Variants in MMP25 observed in about 807,000 individuals in gnomAD.
MMP25 encodes the protein matrix metallopeptidase 25.
MMP25 carries 68 observed loss-of-function variants against 62.1 expected under a neutral mutation model. The observed-to-expected ratio is 1.10, with a 90% CI of 0.90 to 1.34. The LOEUF is 1.34. MMP25 is among the 40% of genes most tolerant of loss of function. The pLI is 0.00. For synonymous variants in MMP25, 407 were observed against 345.6 expected (o/e 1.18, Z -1.97); for missense variants, 942 against 792.5 (o/e 1.19, Z -2.26).
intron 4 of MMP25, chr16:3,051,873 C>T (rs1955907949): frequency 6.6e-6 from 1 of 152,090 alleles, no homozygotes. Flanking sequence ...ATCTGTAATC[C>T]TAGCACTTCG....
At position 3,059,009 on chromosome 16, in the gene MMP25, T is replaced by G. The variant is rs1320649800; in HGVS notation, c.1600T>G (p.Cys534Gly). Reference protein sequence around the residue: ...TPVSETCDCQCELNQAAGRWP... With the variant: ...TPVSETCDCQGELNQAAGRWP... ...CGTGTCCGAAACCTGCGATTGTCAG[T>G]GCGAGCTCAACCAGGCCGCAGGACG... Residue 534 changes from cysteine to glycine, a missense_variant, in exon 10 of 10, where the codon TGC becomes GGC. By Grantham distance (159) the Cys-to-Gly change is radical. Coordinates refer to ENST00000336577, the MANE Select transcript of MMP25 (RefSeq NM_022468.5). The G allele has an allele frequency of 6.4e-7, 1 of 1,555,776 alleles. No individual in the cohort carries two copies. The highest frequency in any genetic ancestry group is 1.2e-5 in the South Asian group (1 of 84,488).
At chr16:3,058,041 G>C in intron 7 of MMP25, 140 bp from the exon 8 acceptor site, 2 of 991,720 alleles carry the variant, frequency 2.0e-6, no homozygotes, top group Non-Finnish European at 2.9e-6. Context: ...AGTCTCAGGC[G>C]GGCCAGGATG....
Position 3,060,127 on chromosome 16 carries a change from G to C in MMP25, c.*1029G>C, listed in dbSNP as rs1956088631. ...AGAGTGAGGGGTGGGTGGAACCTGGGGGCACCTCGTTCACCCTGTCCCCAC... is the reference window on the plus strand; with the variant it reads ...AGAGTGAGGGGTGGGTGGAACCTGGCGGCACCTCGTTCACCCTGTCCCCAC... On this transcript the variant is annotated 3_prime_UTR_variant, in exon 10 of 10. Coordinates refer to ENST00000336577, the MANE Select transcript of MMP25 (RefSeq NM_022468.5). 1.3e-5 allele frequency: 2 copies of C among 152,262 alleles called. No individual in the cohort carries two copies. Among genetic ancestry groups the C allele is most frequent in the Non-Finnish European group, 1.5e-5 (1 of 68,214 alleles). 9.4% of individuals were successfully genotyped at this position (152,262 alleles called of 1,614,324 possible).
At chr16:3,050,670 G>A in intron 4 of MMP25, 124 bp downstream of exon 4, 2 of 1,018,678 alleles carry the variant, frequency 2.0e-6, no homozygotes, top group Non-Finnish European at 1.4e-6. Context: ...CTAGAGTGCA[G>A]TGGTGCAATC....
intron 7 of MMP25, chr16:3,057,818 C>T: frequency 1.6e-6 from 1 of 607,396 alleles, no homozygotes; most frequent in South Asian, 2.0e-5. Flanking sequence ...CCCACCTCAG[C>T]CTCCCTGGTA....
At position 3,058,833 on chromosome 16, in the gene MMP25, C is replaced by A; in HGVS notation, c.1424C>A (p.Thr475Asn). 1.3e-6 allele frequency: 2 copies of A among 1,518,898 alleles called. No homozygotes were observed. Among genetic ancestry groups the A allele is most frequent in the Non-Finnish European group, 1.8e-6 (2 of 1,130,210 alleles). The allele number at this position is 1,518,898 out of a possible 1,614,324, so 94.1% of individuals were successfully genotyped here. ...TCAAGCTCTGCTCCTCCAGGTGACA[C>A]CTACTTCTTCAAGGGCGCCCACTAC... Reference protein sequence around the residue: ...DDVTVSNAGDTYFFKGAHYWR... With the variant: ...DDVTVSNAGDNYFFKGAHYWR... The change falls in exon 10 of 10, where the codon ACC becomes AAC. Residue 475 changes from threonine (T) to asparagine (N), a missense_variant. By Grantham distance (65) the Thr-to-Asn change is moderately conservative. Transcript: ENST00000336577.
At position 3,058,567 on chromosome 16, in the gene MMP25, T is replaced by C. The variant is rs1956057558; in HGVS notation, c.1315T>C (p.Tyr439His). Residue 439 changes from tyrosine (Y) to histidine (H), a missense_variant, in exon 9 of 10, where the codon TAC becomes CAC. Physicochemically the swap from Tyr to His is moderately conservative, Grantham distance 83. Transcript: ENST00000336577. ...YLVRGRQYWR[Y>H]DEAAARPDPG... Reference sequence around the variant, plus strand: ...GGTCCGCGGCCGGCAGTACTGGCGCTACGACGAGGCGGCGGCGCGCCCGGA... The same window carrying C: ...GGTCCGCGGCCGGCAGTACTGGCGCCACGACGAGGCGGCGGCGCGCCCGGA... The C allele has an allele frequency of 4.3e-6, 7 of 1,610,318 alleles. 1 individual carries two copies. In the South Asian group the frequency reaches 7.7e-5, roughly 18 times the overall value.
Position 3,050,503 on chromosome 16 carries a change from C to G in MMP25, c.618C>G (p.Asp206Glu), listed in dbSNP as rs748634190. The change falls in exon 4 of 10, where the codon GAC (aspartate) becomes GAG (glutamate). Residue 206 changes from aspartate to glutamate, a missense_variant. Transcript: ENST00000336577. ...CTGGGGAGCACCCCATCTCCGGGGA[C>G]ACTCACTTTGACGATGAGGAGACCT... ...FFPGEHPISG[D>E]THFDDEETWT... The G allele has an allele frequency of 3.8e-6, 6 of 1,591,126 alleles. No homozygotes were observed. In the African/African-American group the frequency reaches 8.1e-5, roughly 21 times the overall value.
In MMP25 at chr16:3,058,920, A is replaced by G. The variant is rs1567129930; in HGVS notation, c.1511A>G (p.Asn504Ser). ...EPDAPQPMGP[N>S]WLDCPAPSSG... ...GACGCCCCCCAGCCCATGGGGCCCA[A>G]CTGGCTGGACTGCCCCGCCCCGAGC... The change falls in exon 10 of 10, where the codon AAC (asparagine) becomes AGC (serine). Residue 504 changes from asparagine (N) to serine (S), a missense_variant. Coordinates refer to ENST00000336577, the MANE Select transcript of MMP25 (RefSeq NM_022468.5). 6.4e-7 allele frequency: 1 copy of G among 1,551,428 alleles called. No individual in the cohort carries two copies. Among genetic ancestry groups the G allele is most frequent in the Non-Finnish European group, 8.7e-7 (1 of 1,147,256 alleles).
Position 3,050,265 on chromosome 16 carries a change from TCCC to T in MMP25, c.383_385del (p.Pro128del). On this transcript the variant is annotated inframe_deletion, in exon 4 of 10. Coordinates refer to ENST00000336577, the MANE Select transcript of MMP25 (RefSeq NM_022468.5). Reference sequence around the variant, plus strand: ...TCCCCTCTCCCCAGGGTACGTTCCTTCCCCCAGAGCTCCCAGCTGAGCCAGGAG... The same window carrying T: ...TCCCCTCTCCCCAGGGTACGTTCCTTCCAGAGCTCCCAGCTGAGCCAGGAG... 3 of 1,597,146 alleles carry T rather than the reference TCCC, an allele frequency of 1.9e-6. No individual in the cohort carries two copies. Among genetic ancestry groups the T allele is most frequent in the South Asian group, 1.1e-5 (1 of 89,324 alleles).
chr16:3,057,574 G>A lies in MMP25; in HGVS notation c.967G>A (p.Ala323Thr), dbSNP rs146563349. The A allele has an allele frequency of 2.4e-4, 381 of 1,613,952 alleles. No individual in the cohort carries two copies. The highest frequency in any genetic ancestry group is 2.9e-4 in the Non-Finnish European group (347 of 1,180,024). ...TGATCGATGTGAGGGCAATTTTGACGCCATCGCCAACATCCGAGGGGAAAC... is the reference window on the plus strand; with the variant it reads ...TGATCGATGTGAGGGCAATTTTGACACCATCGCCAACATCCGAGGGGAAAC... Reference protein sequence around the residue: ...IPDRCEGNFDAIANIRGETFF... With the variant: ...IPDRCEGNFDTIANIRGETFF... Residue 323 changes from alanine to threonine, a missense_variant, in exon 7 of 10, where the codon GCC becomes ACC. By Grantham distance (58) the Ala-to-Thr change is moderately conservative (BLOSUM62 0). Coordinates refer to ENST00000336577, the MANE Select transcript of MMP25 (RefSeq NM_022468.5).
rs1555440303 is a variant in MMP25 at position 3,058,267 on chromosome 16, G to C, written c.1093G>C (p.Ala365Pro). 3 of 1,610,606 alleles carry C rather than the reference G, an allele frequency of 1.9e-6. No individual in the cohort carries two copies. Among genetic ancestry groups the C allele is most frequent in the Admixed American group, 3.3e-5 (2 of 59,890 alleles). ...GCACCGCTTCTGGGAGGGGCTGCCC[G>C]CCCAGGTGAGGGTGGTGCAGGCCGC... is the stretch of plus-strand genomic sequence containing the variant. ...RLHRFWEGLP[A>P]QVRVVQAAYA... The change falls in exon 8 of 10, where the codon GCC (alanine) becomes CCC (proline). Residue 365 changes from alanine (A) to proline (P), a missense_variant. Transcript: ENST00000336577.
At chr16:3,057,460 G>A (rs1956032705) in intron 6 of MMP25, 66 bp downstream of exon 6, 1 of 1,592,882 alleles carries the variant, frequency 6.3e-7, no homozygotes, top group Non-Finnish European at 8.6e-7. Flanking sequence ...CCTCTGAGAT[G>A]GGGATGGTGG....
intron 2 of MMP25, among the ~76,000 whole-genome samples, chr16:3,047,838 A>AT (rs34310361): frequency 0.013 from 1,798 of 134,966 alleles, 23 homozygotes; most frequent in South Asian, 0.039. Flanking sequence ...CTCTCCAAGG[A>AT]TTTTTTTTTT....
Position 3,058,345 on chromosome 16 carries a change from C to T in MMP25, c.1159+12C>T. The T allele has an allele frequency of 1.3e-6, 2 of 1,532,422 alleles. No individual in the cohort carries two copies. The highest frequency in any genetic ancestry group is 8.8e-7 in the Non-Finnish European group (1 of 1,141,956). 94.9% of individuals were successfully genotyped at this position (1,532,422 alleles called of 1,614,324 possible). On this transcript the variant is annotated intron_variant, in intron 8 of 9. Transcript: ENST00000336577. ...CCTCCTCTTTAGCGGTGAGTGGGGC[C>T]GGCGGCGGGGCGCGCTGGGGCCGGC... is the stretch of plus-strand genomic sequence containing the variant.
Position 3,059,312 on chromosome 16 carries a change from AC to A in MMP25, c.*218del. 2.1e-6 allele frequency: 1 copy of A among 465,136 alleles called. No individual in the cohort carries two copies. The highest frequency in any genetic ancestry group is 3.5e-6 in the Non-Finnish European group (1 of 283,464). 28.8% of individuals were successfully genotyped at this position (465,136 alleles called of 1,614,324 possible). A position where few individuals can be genotyped will look rare whatever the true frequency, so the allele number is the denominator to read the frequency against. ...GGGCTCAGTCTCCTCAGGGTCTGAG[AC>A]CCCGGCGCTGCCACCGGAACCCGCC... is the stretch of plus-strand genomic sequence containing the variant. On this transcript the variant is annotated 3_prime_UTR_variant, in exon 10 of 10. Transcript: ENST00000336577.
chr16:3,052,188 G>C (rs1320616891), intron 4 of MMP25: 2 of 151,844 alleles, frequency 1.3e-5, no homozygotes, highest in African/African-American at 2.4e-5. Context: ...ACTAGCACAA[G>C]ACAAGACATA....
Position 3,058,443 on chromosome 16 carries a change from G to A in MMP25, c.1191G>A (p.Gln397=). The A allele has an allele frequency of 1.3e-6, 2 of 1,588,948 alleles. No individual in the cohort carries two copies. Among genetic ancestry groups the A allele is most frequent in the Non-Finnish European group, 1.7e-6 (2 of 1,168,588 alleles). Residue 397 remains glutamine (Q), a synonymous_variant, in exon 9 of 10, where the codon CAG becomes CAA. Coordinates refer to ENST00000336577, the MANE Select transcript of MMP25 (RefSeq NM_022468.5). ...AGTTCTGGGTGTTCCAGGACCGGCA[G>A]CTGGAGGGCGGGGCGCGGCCGCTCA... ...GPQFWVFQDR[Q]LEGGARPLTE... is the part of the protein sequence containing the mutation.
At chr16:3,049,694 C>A (rs905029308) in intron 2 of MMP25, among the ~76,000 whole-genome samples, 2 of 152,228 alleles carry the variant, frequency 1.3e-5, no homozygotes, top group African/African-American at 2.4e-5. Flanking sequence ...GGGCTCCTTT[C>A]TCCAGAGTCC....
Sources: gnomAD v4.1 joint callset for allele counts (sites outside exome capture counted in the v4.1 genomes callset) on GRCh38, gnomAD v4.1.1 for gene constraint, MANE v1.5 for transcripts, NCBI Gene and HGNC (gene_info 2026-07-23, HGNC 2026-07-21) for gene names.